The following BICC1 variants were observed in gnomAD, a reference collection of about 807,000 sequenced individuals.
BICC1 encodes BicC family RNA binding protein 1.
A neutral mutation model predicts 111.0 loss-of-function variants in BICC1; 43 were observed. That is an observed-to-expected ratio of 0.39 (90% CI 0.30 to 0.50). The LOEUF is 0.50. Ranked by LOEUF, BICC1 falls within the 20% of genes least tolerant of loss-of-function variation. The pLI, the probability that BICC1 is intolerant of heterozygous loss-of-function variation, is 0.88. For missense variants in BICC1, 1,091 were observed against 1,203.2 expected (o/e 0.91, Z 1.38); for synonymous variants, 467 against 434.4 (o/e 1.07, Z -0.93).
At chr10:58,688,705 AAAT>A (rs1430450273) in intron 2 of BICC1, among the ~76,000 whole-genome samples, 2 of 152,222 alleles carry the variant, frequency 1.3e-5, no homozygotes, top group Non-Finnish European at 2.9e-5. Flanking sequence ...CAGCCATAAA[AAAT>A]AATGAGTTCA....
At position 58,773,320 on chromosome 10, in the gene BICC1, C is replaced by T. The variant is rs574785469; in HGVS notation, c.308-11681C>T. Among the ~76,000 whole-genome samples the T allele has an allele frequency of 3.9e-5, 6 of 152,262 alleles. No individual in the cohort carries two copies. The South Asian group carries it at 6.2e-4, about 16-fold the overall frequency. ...CCCAACCCCTGCCCACACACTTTCT[C>T]GTTAAAAGAAGAAAGGAATTGGTGG... On this transcript the variant is annotated intron_variant, in intron 3 of 20. Coordinates refer to ENST00000373886, the MANE Select transcript of BICC1 (RefSeq NM_001080512.3).
intron 1 of BICC1, among the ~76,000 whole-genome samples, chr10:58,608,783 G>A: frequency 6.6e-6 from 1 of 152,210 alleles, no homozygotes; most frequent in East Asian, 1.9e-4. Context: ...TTTGAACCTA[G>A]ACTTTTCTGG....
At chr10:58,787,896 T>C (rs1442145159) in intron 5 of BICC1, among the ~76,000 whole-genome samples, 1 of 152,172 alleles carries the variant, frequency 6.6e-6, no homozygotes, top group Non-Finnish European at 1.5e-5. Flanking sequence ...CAGTGGGTCA[T>C]GGGAATGCCC....
chr10:58,639,711 C>T (rs1393082937), intron 2 of BICC1, among the ~76,000 whole-genome samples: 3 of 139,470 alleles, frequency 2.2e-5, no homozygotes, highest in African/African-American at 8.1e-5. Flanking sequence ...GCCACTGTGC[C>T]CGGCCAAATT....
intron 1 of BICC1, among the ~76,000 whole-genome samples, chr10:58,613,263 A>T (rs1258304833): frequency 6.6e-6 from 1 of 152,220 alleles, no homozygotes; most frequent in African/African-American, 2.4e-5. Flanking sequence ...ATCCAAGCGA[A>T]TAAACTTTGG....
intron 2 of BICC1, among the ~76,000 whole-genome samples, chr10:58,676,760 C>T (rs967987770): frequency 6.6e-5 from 10 of 152,220 alleles, no homozygotes; most frequent in African/African-American, 2.2e-4. Flanking sequence ...CTGGGAGACA[C>T]CTCCCTACAG....
chr10:58,526,052 T>A (rs1487165247), intron 1 of BICC1, among the ~76,000 whole-genome samples: 1 of 151,940 alleles, frequency 6.6e-6, no homozygotes, highest in Non-Finnish European at 1.5e-5. Flanking sequence ...TACTGAAGAA[T>A]GATGGTAGTT....
chr10:58,748,937 G>C (rs551295190), intron 3 of BICC1, among the ~76,000 whole-genome samples: 14 of 152,216 alleles, frequency 9.2e-5, no homozygotes, highest in Admixed American at 8.5e-4. Context: ...AAACTCCCTG[G>C]AGAAGCTTTA....
At chr10:58,690,621 C>A (rs1362631901) in intron 2 of BICC1, among the ~76,000 whole-genome samples, 3 of 152,176 alleles carry the variant, frequency 2.0e-5, no homozygotes, top group Admixed American at 1.3e-4. Flanking sequence ...TTTCTCAAAC[C>A]TAATCCTTAC....
At chr10:58,827,911 C>G (rs779402687) in intron 20 of BICC1, among the ~76,000 whole-genome samples, 5 of 152,184 alleles carry the variant, frequency 3.3e-5, no homozygotes, top group African/African-American at 1.2e-4. Context: ...TCTCAACCTA[C>G]TCAACGTGAA....
intron 17 of BICC1, among the ~76,000 whole-genome samples, chr10:58,808,467 C>G (rs1217272652): frequency 6.6e-6 from 1 of 152,114 alleles, no homozygotes; most frequent in African/African-American, 2.4e-5. Context: ...GAAGTATTTG[C>G]TTTAGAAATG....
intron 1 of BICC1, among the ~76,000 whole-genome samples, chr10:58,619,729 T>C (rs1845737572): frequency 6.6e-6 from 1 of 152,194 alleles, no homozygotes; most frequent in African/African-American, 2.4e-5. Context: ...TGCCTCGGCC[T>C]CCCAAGTTTT....
At chr10:58,616,026 C>T (rs1845592326) in intron 1 of BICC1, among the ~76,000 whole-genome samples, 1 of 152,094 alleles carries the variant, frequency 6.6e-6, no homozygotes, top group South Asian at 2.1e-4. Flanking sequence ...TGCCTGGAGG[C>T]CTGGCTACAC....
chr10:58,605,064 G>T (rs1477846541), intron 1 of BICC1, among the ~76,000 whole-genome samples: 3 of 152,158 alleles, frequency 2.0e-5, no homozygotes, highest in African/African-American at 4.8e-5. Flanking sequence ...TACCTTGGGG[G>T]TTAGCATTTC....
At chr10:58,562,905 T>C (rs1283040496) in intron 1 of BICC1, among the ~76,000 whole-genome samples, 1 of 151,978 alleles carries the variant, frequency 6.6e-6, no homozygotes, top group Non-Finnish European at 1.5e-5. Context: ...GGGCTGTGGG[T>C]GTTTCTGTAG....
intron 1 of BICC1, among the ~76,000 whole-genome samples, chr10:58,619,716 G>A (rs566130656): frequency 1.6e-4 from 24 of 152,160 alleles, no homozygotes; most frequent in African/African-American, 4.8e-4. Context: ...CTTGTGATCC[G>A]TCTGCCTCGG....
At chr10:58,522,224 T>C (rs1373483733) in intron 1 of BICC1, among the ~76,000 whole-genome samples, 3 of 151,984 alleles carry the variant, frequency 2.0e-5, no homozygotes. Context: ...CAGACTCCCA[T>C]TAAGTTAGGC....
chr10:58,613,816 C>A (rs1845513826), intron 1 of BICC1, among the ~76,000 whole-genome samples: 1 of 152,116 alleles, frequency 6.6e-6, no homozygotes, highest in African/African-American at 2.4e-5. Flanking sequence ...AGTTAGGTTG[C>A]TTTGAATATT....
At chr10:58,541,269 T>C (rs761553190) in intron 1 of BICC1, among the ~76,000 whole-genome samples, 2 of 152,116 alleles carry the variant, frequency 1.3e-5, no homozygotes, top group Admixed American at 6.6e-5. Context: ...GATCTTTTCA[T>C]AGGTGACATG....
Sources: allele counts gnomAD v4.1 joint callset (sites outside exome capture counted in the v4.1 genomes callset), GRCh38; gene constraint gnomAD v4.1.1; transcripts MANE v1.5; gene names NCBI Gene and HGNC (gene_info 2026-07-23, HGNC 2026-07-21).